The following FOXN3 variants were observed in gnomAD, a reference collection of about 807,000 sequenced individuals.
The protein encoded by FOXN3 is forkhead box N3.
A neutral mutation model predicts 38.4 loss-of-function variants in FOXN3; 7 were observed. That is an observed-to-expected ratio of 0.18 (90% CI 0.10 to 0.34). The LOEUF (loss-of-function observed/expected upper bound fraction) is 0.34. Ranked by LOEUF, FOXN3 falls within the 10% of genes least tolerant of loss-of-function variation. FOXN3 has a pLI of 1.00. For synonymous variants in FOXN3, 230 were observed against 242.2 expected (o/e 0.95, Z 0.47); for missense variants, 456 against 613.4 (o/e 0.74, Z 2.71).
Position 89,481,228 on chromosome 14 carries a change from A to G in FOXN3, c.-14-68738T>C, listed in dbSNP as rs935045165. Among the ~76,000 whole-genome samples the G allele has an allele frequency of 3.5e-4, 53 of 152,064 alleles. 1 individual carries two copies. Among genetic ancestry groups the G allele is most frequent in the Admixed American group, 1.3e-4 (2 of 15,270 alleles). ...TCTTCACTGGCTGGAGTTTTACTCC[A>G]CCCTAGATTTCAAAATAAAATCTTT... is the stretch of plus-strand genomic sequence containing the variant. On this transcript the variant is annotated intron_variant, in intron 1 of 6. Coordinates refer to the FOXN3 transcript ENST00000345097.
chr14:89,363,967 T>TA (rs1420143034), intron 2 of FOXN3, among the ~76,000 whole-genome samples: 7 of 98,584 alleles, frequency 7.1e-5, no homozygotes, highest in African/African-American at 3.7e-4. Context: ...TATATATATA[T>TA]ATATATATAT....
chr14:89,614,599 C>T (rs2139960098), intron 1 of FOXN3, among the ~76,000 whole-genome samples: 1 of 152,318 alleles, frequency 6.6e-6, no homozygotes, highest in South Asian at 2.1e-4. Context: ...AAGCAATTCC[C>T]CAAGGTCTTC....
chr14:89,430,673 T>C (rs918816041), intron 1 of FOXN3, among the ~76,000 whole-genome samples: 1 of 152,210 alleles, frequency 6.6e-6, no homozygotes, highest in African/African-American at 2.4e-5. Flanking sequence ...GTTTAATTGA[T>C]TTTTTTATTT....
At chr14:89,525,635 A>C (rs961454643) in intron 1 of FOXN3, among the ~76,000 whole-genome samples, 2,347 of 148,482 alleles carry the variant, frequency 0.016, 54 homozygotes, top group African/African-American at 0.054. Flanking sequence ...TTTCACTAAA[A>C]AAAAAAAAAA....
intron 3 of FOXN3, among the ~76,000 whole-genome samples, chr14:89,316,141 G>A (rs1053136970): frequency 3.3e-5 from 5 of 152,170 alleles, no homozygotes; most frequent in South Asian, 2.1e-4. Flanking sequence ...AAACTGTTGC[G>A]TATTGTGTAT....
intron 2 of FOXN3, among the ~76,000 whole-genome samples, chr14:89,392,073 C>A (rs1425637187): frequency 6.6e-6 from 1 of 152,176 alleles, no homozygotes; most frequent in African/African-American, 2.4e-5. Context: ...CCCAAACCAT[C>A]TGCCCCCTAA....
chr14:89,180,785 T>C lies in FOXN3; in HGVS notation c.767A>G (p.Asn256Ser). 6.2e-7 allele frequency: 1 copy of C among 1,611,818 alleles called. No individual in the cohort carries two copies. Among genetic ancestry groups the C allele is most frequent in the African/African-American group, 1.3e-5 (1 of 75,002 alleles). The change falls in exon 5 of 6, where the codon AAT (asparagine) becomes AGT (serine). Residue 256 changes from asparagine to serine, a missense_variant. Asn to Ser is a conservative substitution (Grantham distance 46). Transcript: ENST00000557258. ...LLQVPPGVIQ[N>S]GARVLSRGLF... ...CCCTCGGCTCAGGACCCGCGCTCCA[T>C]TTTGGATCACTCCTGGAGGAACTGA...
chr14:89,234,215 A>G (rs1160052717), intron 4 of FOXN3, among the ~76,000 whole-genome samples: 2 of 152,240 alleles, frequency 1.3e-5, no homozygotes, highest in Non-Finnish European at 2.9e-5. Context: ...CCACTGCAAC[A>G]AAGTGCCACA....
intron 1 of FOXN3, among the ~76,000 whole-genome samples, chr14:89,506,910 A>C (rs1893952289): frequency 6.6e-6 from 1 of 152,134 alleles, no homozygotes; most frequent in African/African-American, 2.4e-5. Flanking sequence ...GTTTTGTTAA[A>C]CAGATGCTTG....
At chr14:89,181,080 G>GCA (rs1420383601) in intron 4 of FOXN3, among the ~76,000 whole-genome samples, 3 of 151,250 alleles carry the variant, frequency 2.0e-5, no homozygotes, top group Non-Finnish European at 4.4e-5. Context: ...ACACACACGT[G>GCA]CACACACACA....
At chr14:89,262,566 G>C (rs1289463452) in intron 4 of FOXN3, among the ~76,000 whole-genome samples, 1 of 152,128 alleles carries the variant, frequency 6.6e-6, no homozygotes. Context: ...AGGACATGTG[G>C]GTAACTAACC....
intron 5 of FOXN3, among the ~76,000 whole-genome samples, chr14:89,166,835 C>T (rs1035699371): frequency 3.3e-5 from 5 of 152,186 alleles, no homozygotes; most frequent in African/African-American, 1.2e-4. Flanking sequence ...ATGTTATTCA[C>T]GATGGTGCAA....
intron 4 of FOXN3, among the ~76,000 whole-genome samples, chr14:89,261,998 G>A (rs1186019323): frequency 1.3e-5 from 2 of 152,142 alleles, no homozygotes; most frequent in African/African-American, 4.8e-5. Context: ...CAGCTACTCG[G>A]AAGGCTGAGG....
At chr14:89,381,425 A>G (rs1890642479) in intron 2 of FOXN3, among the ~76,000 whole-genome samples, 1 of 149,224 alleles carries the variant, frequency 6.7e-6, no homozygotes, top group African/African-American at 2.5e-5. Context: ...TAACCATAAG[A>G]GCCCTCTCCA....
At chr14:89,360,786 TCCACCACC>T (rs1889504542) in intron 2 of FOXN3, among the ~76,000 whole-genome samples, 8 of 14,638 alleles carry the variant, frequency 5.5e-4, no homozygotes, top group East Asian at 1.9e-3. Flanking sequence ...CACCACCACC[TCCACCACC>T]ACCACCTCCA....
chr14:89,185,303 G>A (rs1445564350), intron 4 of FOXN3, among the ~76,000 whole-genome samples: 1 of 152,176 alleles, frequency 6.6e-6, no homozygotes, highest in Non-Finnish European at 1.5e-5. Context: ...CAAGTGTCAG[G>A]AACGTGGCTT....
At chr14:89,581,220 G>A (rs1483860261) in intron 1 of FOXN3, among the ~76,000 whole-genome samples, 4 of 151,866 alleles carry the variant, frequency 2.6e-5, no homozygotes, top group East Asian at 1.9e-4. Context: ...GGTGGCTCAC[G>A]GCCATAATCC....
intron 3 of FOXN3, among the ~76,000 whole-genome samples, chr14:89,348,213 G>A (rs1220112291): frequency 6.6e-6 from 1 of 151,836 alleles, no homozygotes; most frequent in Non-Finnish European, 1.5e-5. Flanking sequence ...CACTTCCCAG[G>A]TACCCCTCAC....
intron 1 of FOXN3, among the ~76,000 whole-genome samples, chr14:89,598,437 ATTAT>A (rs1444297543): frequency 6.6e-6 from 1 of 151,990 alleles, no homozygotes; most frequent in Admixed American, 6.6e-5. Flanking sequence ...GATTTTTAAA[ATTAT>A]TTATTCATTT....
Sources: gnomAD v4.1 joint callset for allele counts (sites outside exome capture counted in the v4.1 genomes callset) on GRCh38, gnomAD v4.1.1 for gene constraint, MANE v1.5 for transcripts, NCBI Gene and HGNC (gene_info 2026-07-23, HGNC 2026-07-21) for gene names.